The following TMTC2 variants were observed in gnomAD, a reference collection of about 807,000 sequenced individuals.
The protein encoded by TMTC2 is protein O-mannosyl-transferase TMTC2.
TMTC2 carries 43 observed loss-of-function variants against 82.4 expected under a neutral mutation model. The observed-to-expected ratio is 0.52, with a 90% CI of 0.41 to 0.67. TMTC2 has a LOEUF of 0.67. TMTC2 is among the 30% of genes least tolerant of loss of function. TMTC2 has a pLI of 0.00. For missense variants in TMTC2, 919 were observed against 1,012.4 expected (o/e 0.91, Z 1.25); for synonymous variants, 408 against 381.9 (o/e 1.07, Z -0.80).
chr12:82,909,994 G>T (rs1874546041), intron 3 of TMTC2, among the ~76,000 whole-genome samples: 1 of 152,056 alleles, frequency 6.6e-6, no homozygotes, highest in Admixed American at 6.6e-5. Flanking sequence ...TCTAAAGCAG[G>T]GTAAAATATG....
At chr12:82,917,003 A>G in intron 3 of TMTC2, among the ~76,000 whole-genome samples, 1 of 152,142 alleles carries the variant, frequency 6.6e-6, no homozygotes, top group Non-Finnish European at 1.5e-5. Context: ...CTTTTCTGTA[A>G]TAATCCGAGG....
At chr12:82,923,161 T>G (rs1875493298) in intron 3 of TMTC2, among the ~76,000 whole-genome samples, 1 of 152,214 alleles carries the variant, frequency 6.6e-6, no homozygotes, top group Non-Finnish European at 1.5e-5. Flanking sequence ...TAGTTGACCT[T>G]ATCCATTTTT....
At chr12:82,754,875 G>A (rs1876216275) in intron 1 of TMTC2, among the ~76,000 whole-genome samples, 1 of 152,202 alleles carries the variant, frequency 6.6e-6, no homozygotes, top group Admixed American at 6.5e-5. Context: ...TCAAAGTGCA[G>A]TATAACATAC....
chr12:83,057,175 T>C (rs1365662731), intron 10 of TMTC2, among the ~76,000 whole-genome samples: 1 of 151,936 alleles, frequency 6.6e-6, no homozygotes, highest in East Asian at 1.9e-4. Context: ...CACATAATTA[T>C]ATAATCTTTC....
chr12:82,857,918 G>A (rs1000572079), intron 2 of TMTC2, among the ~76,000 whole-genome samples: 1 of 152,140 alleles, frequency 6.6e-6, no homozygotes, highest in Non-Finnish European at 1.5e-5. Context: ...TCTATAACGT[G>A]TATTTGTAAA....
chr12:83,056,315 G>T (rs1882540507), intron 10 of TMTC2, among the ~76,000 whole-genome samples: 1 of 151,796 alleles, frequency 6.6e-6, no homozygotes, highest in African/African-American at 2.4e-5. Context: ...AGGCCTAAGG[G>T]TGGAAACTAT....
intron 4 of TMTC2, among the ~76,000 whole-genome samples, chr12:82,944,788 G>A (rs2137268227): frequency 6.6e-6 from 1 of 152,170 alleles, no homozygotes; most frequent in South Asian, 2.1e-4. Flanking sequence ...AGTCCTAGGT[G>A]TAGAAACTTA....
chr12:82,861,938 C>T (rs1389560465), intron 2 of TMTC2, among the ~76,000 whole-genome samples: 1 of 152,150 alleles, frequency 6.6e-6, no homozygotes, highest in Non-Finnish European at 1.5e-5. Context: ...TTAATATTTA[C>T]CTTTTTAAAA....
chr12:82,840,008 G>T (rs1243350336), intron 1 of TMTC2, among the ~76,000 whole-genome samples: 2 of 152,118 alleles, frequency 1.3e-5, no homozygotes, highest in African/African-American at 2.4e-5. Flanking sequence ...TAGAGAATAT[G>T]CAAAGAGGAA....
chr12:82,897,724 C>T (rs1873752975), intron 3 of TMTC2, among the ~76,000 whole-genome samples: 1 of 151,918 alleles, frequency 6.6e-6, no homozygotes, highest in Non-Finnish European at 1.5e-5. Context: ...TGGGGTTTCA[C>T]CACGTTAGCC....
intron 3 of TMTC2, among the ~76,000 whole-genome samples, chr12:82,918,807 G>T (rs1300708864): frequency 6.6e-6 from 1 of 150,580 alleles, no homozygotes; most frequent in African/African-American, 2.5e-5. Context: ...GCTCAGGCTG[G>T]AGTGCAGTGG....
Position 82,761,967 on chromosome 12 carries a change from C to CT in TMTC2, c.83+74317dup, listed in dbSNP as rs55750088. On this transcript the variant is annotated intron_variant, in intron 1 of 11. Coordinates refer to ENST00000321196, the MANE Select transcript of TMTC2 (RefSeq NM_152588.3). ...CTTTCTTTCCTTTCCTTTCCCTTTC[C>CT]TTTTTTTTTTTTTTTTTTTGGCCAA... Among the ~76,000 whole-genome samples, 200 of 74,610 alleles carry CT rather than the reference C, an allele frequency of 2.7e-3. 2 individuals carry two copies. Among genetic ancestry groups the CT allele is most frequent in the African/African-American group, 7.5e-3 (154 of 20,454 alleles). The allele number at this position is 74,610 out of a possible 152,430, so 48.9% of individuals were successfully genotyped here.
rs778128004 is a variant in TMTC2 at position 83,132,326 on chromosome 12, G to A, written c.2448G>A (p.Gln816=). 1.2e-6 allele frequency: 2 copies of A among 1,613,970 alleles called. No individual in the cohort carries two copies. Among genetic ancestry groups the A allele is most frequent in the African/African-American group, 2.7e-5 (2 of 74,904 alleles). Residue 816 remains glutamine, a synonymous_variant, in exon 12 of 12, where the codon CAG becomes CAA. Coordinates refer to ENST00000321196, the MANE Select transcript of TMTC2 (RefSeq NM_152588.3). ...LQLKPDDVIT[Q]SNLRKLWNIM... ...TCAAGCCAGACGATGTCATCACACA[G>A]TCCAATCTCCGCAAACTGTGGAACA...
chr12:82,833,421 T>C (rs1178829239), intron 1 of TMTC2, among the ~76,000 whole-genome samples: 1 of 152,154 alleles, frequency 6.6e-6, no homozygotes. Flanking sequence ...AAAAAACTTC[T>C]ATGTTTTAAA....
intron 1 of TMTC2, among the ~76,000 whole-genome samples, chr12:82,814,379 T>C (rs1191671003): frequency 6.6e-6 from 1 of 152,108 alleles, no homozygotes; most frequent in East Asian, 1.9e-4. Context: ...GAGAATACTA[T>C]TCGTGTAGTT....
At position 82,896,151 on chromosome 12, in the gene TMTC2, A is replaced by G. The variant is rs1029874838; in HGVS notation, c.988A>G (p.Ser330Gly). ...LLLLAYYGLKSPSVDRECNGK... is the reference protein window; with the variant it reads ...LLLLAYYGLKGPSVDRECNGK... ...TCTCCTTGCCTACTATGGTTTGAAG[A>G]GCCCGAGCGTAGACAGAGAATGCAA... The change falls in exon 3 of 12, where the codon AGC (serine) becomes GGC (glycine). Residue 330 changes from serine (S) to glycine (G), a missense_variant. Transcript: ENST00000321196. The G allele has an allele frequency of 1.9e-5, 30 of 1,614,014 alleles. No homozygotes were observed. The highest frequency in any genetic ancestry group is 2.5e-5 in the Non-Finnish European group (30 of 1,180,020).
intron 8 of TMTC2, among the ~76,000 whole-genome samples, chr12:83,013,039 C>T (rs1880530184): frequency 6.6e-6 from 1 of 152,066 alleles, no homozygotes; most frequent in Non-Finnish European, 1.5e-5. Flanking sequence ...GCAAGCTTTT[C>T]TTTTTAGAGT....
At chr12:82,790,175 T>TAA (rs368323390) in intron 1 of TMTC2, among the ~76,000 whole-genome samples, 6,672 of 136,270 alleles carry the variant, frequency 0.049, 205 homozygotes, top group Middle Eastern at 0.14. Context: ...CCTTGTCTCT[T>TAA]AAAAAAAAAA....
intron 1 of TMTC2, chr12:82,758,626 G>T (rs1031473898): frequency 6.6e-6 from 1 of 152,150 alleles, no homozygotes; most frequent in Non-Finnish European, 1.5e-5. Flanking sequence ...TAAGTGTAGT[G>T]TAGAATGTTA....
Sources: allele counts gnomAD v4.1 joint callset (sites outside exome capture counted in the v4.1 genomes callset), GRCh38; gene constraint gnomAD v4.1.1; transcripts MANE v1.5; gene names NCBI Gene and HGNC (gene_info 2026-07-23, HGNC 2026-07-21).